ZNF267: variants seen among roughly 807,000 people sequenced by gnomAD.
ZNF267 encodes the protein zinc finger (C2H2).
ZNF267 carries 61 observed loss-of-function variants against 71.6 expected under a neutral mutation model. The ratio of observed to expected loss-of-function variants is 0.85; its 90% CI spans 0.69 to 1.05. The LOEUF is 1.05. Ranked by LOEUF, ZNF267 falls within the 50% of genes least tolerant of loss-of-function variation. ZNF267 has a pLI of 0.00. For missense variants in ZNF267, 852 were observed against 870.0 expected (o/e 0.98, Z 0.26); for synonymous variants, 288 against 293.2 (o/e 0.98, Z 0.18).
At chr16:31,890,123 C>G (rs2083950226) in intron 3 of ZNF267, 1 of 151,990 alleles carries the variant, frequency 6.6e-6, no homozygotes, top group African/African-American at 2.4e-5. Flanking sequence ...AAAATATTGT[C>G]TATTTAGTTT....
At chr16:31,898,846 A>T (rs1567476862) in intron 3 of ZNF267, among the ~76,000 whole-genome samples, 1 of 152,056 alleles carries the variant, frequency 6.6e-6, no homozygotes, top group African/African-American at 2.4e-5. Flanking sequence ...ATGGTGGAAG[A>T]TCTGCCAAGC....
intron 1 of ZNF267, among the ~76,000 whole-genome samples, chr16:31,879,925 C>A (rs1279684656): frequency 6.6e-6 from 1 of 152,218 alleles, no homozygotes; most frequent in Non-Finnish European, 1.5e-5. Flanking sequence ...TTCCCTGCGC[C>A]ACCAGCACCT....
chr16:31,887,835 T>C (rs2083934466), intron 3 of ZNF267, among the ~76,000 whole-genome samples: 1 of 152,162 alleles, frequency 6.6e-6, no homozygotes, highest in Non-Finnish European at 1.5e-5. Context: ...TATTCTTCTT[T>C]TTCAAGATTG....
chr16:31,894,908 C>A, intron 3 of ZNF267: 1 of 376,722 alleles, frequency 2.7e-6, no homozygotes, highest in South Asian at 2.6e-5. Context: ...GTGATTTCCC[C>A]TGGGTTAGTG....
At chr16:31,908,892 C>T (rs1696263556) in intron 3 of ZNF267, among the ~76,000 whole-genome samples, 1 of 151,846 alleles carries the variant, frequency 6.6e-6, no homozygotes, top group Admixed American at 6.6e-5. Flanking sequence ...GATAGCTTTG[C>T]TATTCTGAGT....
chr16:31,901,194 C>T (rs533095200), intron 3 of ZNF267, among the ~76,000 whole-genome samples: 9 of 152,152 alleles, frequency 5.9e-5, no homozygotes, highest in Admixed American at 3.3e-4. Flanking sequence ...TTAATCCAGT[C>T]TATCATTGTT....
chr16:31,904,016 CTTT>C (rs2084065290), intron 3 of ZNF267, among the ~76,000 whole-genome samples: 1 of 152,180 alleles, frequency 6.6e-6, no homozygotes, highest in Non-Finnish European at 1.5e-5. Flanking sequence ...CAAAGAACGT[CTTT>C]ATTTATGTCT....
At chr16:31,897,745 G>T (rs1398959838) in intron 3 of ZNF267, among the ~76,000 whole-genome samples, 3 of 152,086 alleles carry the variant, frequency 2.0e-5, no homozygotes, top group Admixed American at 6.6e-5. Flanking sequence ...GTGTGTTTGA[G>T]ACTGTTTAAT....
intron 3 of ZNF267, among the ~76,000 whole-genome samples, chr16:31,891,495 A>C (rs760680807): frequency 1.3e-5 from 2 of 152,152 alleles, no homozygotes; most frequent in Admixed American, 6.5e-5. Flanking sequence ...TCCCCACCCA[A>C]ATCTCATCTT....
At chr16:31,911,794 T>C (rs1323483132) in intron 3 of ZNF267, 1 of 151,622 alleles carries the variant, frequency 6.6e-6, no homozygotes, top group Non-Finnish European at 1.5e-5. Flanking sequence ...TGATTTAATT[T>C]CTTGCTTTTT....
intron 3 of ZNF267, among the ~76,000 whole-genome samples, chr16:31,903,471 T>C (rs1200938879): frequency 6.6e-6 from 1 of 152,216 alleles, no homozygotes; most frequent in Non-Finnish European, 1.5e-5. Flanking sequence ...CAGAGCCTGT[T>C]ATTGGTCTGT....
At chr16:31,874,608 A>G (rs767625631) in intron 1 of ZNF267, among the ~76,000 whole-genome samples, 17 of 152,184 alleles carry the variant, frequency 1.1e-4, no homozygotes, top group African/African-American at 3.9e-4. Flanking sequence ...GTTTTCCCCT[A>G]AAGTTGTAAT....
Position 31,905,612 on chromosome 16 carries a change from C to T in ZNF267, c.227-8864C>T, listed in dbSNP as rs548815229. ...AGGCTTGTGCATTCGTCACGTAGTT[C>T]GTGTGCCTTGGTTTTCAGCTCCATC... On this transcript the variant is annotated intron_variant, in intron 3 of 3. Transcript: ENST00000300870. Among the ~76,000 whole-genome samples, 31 of 152,252 alleles carry T rather than the reference C, an allele frequency of 2.0e-4. No individual in the cohort carries two copies. In the East Asian group the frequency reaches 4.6e-3, roughly 23 times the overall value.
rs114275094 is a variant in ZNF267, at chr16:31,894,279, C to A, written c.226+9023C>A. On this transcript the variant is annotated intron_variant, in intron 3 of 3. Coordinates refer to ENST00000300870, the MANE Select transcript of ZNF267 (RefSeq NM_003414.6). ...AGCTCTGTCACATGACTGGAGAGGG[C>A]AGCCAGGTGCTCTTTCATTTGGCTG... Among the ~76,000 whole-genome samples the A allele has an allele frequency of 3.1e-3, 470 of 152,362 alleles. 4 individuals carry two copies. Among genetic ancestry groups the A allele is most frequent in the African/African-American group, 0.011 (455 of 41,588 alleles).
At chr16:31,880,112 C>A (rs1359985775) in intron 1 of ZNF267, among the ~76,000 whole-genome samples, 1 of 152,194 alleles carries the variant, frequency 6.6e-6, no homozygotes, top group East Asian at 1.9e-4. Context: ...CTGGGATCCA[C>A]AAGACAGGGC....
At chr16:31,893,703 C>T (rs959855173) in intron 3 of ZNF267, among the ~76,000 whole-genome samples, 1 of 152,344 alleles carries the variant, frequency 6.6e-6, no homozygotes, top group Admixed American at 6.5e-5. Context: ...TGCTCCTGAA[C>T]TGTGGCTGCA....
intron 3 of ZNF267, among the ~76,000 whole-genome samples, chr16:31,891,368 C>T (rs1416024433): frequency 6.6e-6 from 1 of 152,282 alleles, no homozygotes; most frequent in African/African-American, 2.4e-5. Flanking sequence ...GATTTGTACA[C>T]TAACGTTATG....
rs1403132362 is a variant in ZNF267 at position 31,915,473 on chromosome 16, C to G, written c.1224C>G (p.Tyr408Ter). Reference protein sequence around the residue: ...HQRIHTGEKPYKCKECGKAFR... With the variant: ...HQRIHTGEKP ...GAATTCACACTGGAGAGAAACCATA[C>G]AAATGTAAAGAATGTGGCAAAGCCT... Residue 408 changes from tyrosine to a stop codon, truncating the protein, a stop_gained, in exon 4 of 4, where the codon TAC becomes TAG. Transcript: ENST00000300870. LOFTEE classifies it high-confidence loss of function. The G allele has an allele frequency of 6.2e-7, 1 of 1,613,522 alleles. No individual in the cohort carries two copies. Among genetic ancestry groups the G allele is most frequent in the East Asian group, 2.2e-5 (1 of 44,836 alleles).
chr16:31,884,415 C>T, intron 1 of ZNF267, 83 bp from the exon 2 acceptor site: 1 of 1,578,874 alleles, frequency 6.3e-7, no homozygotes, highest in East Asian at 2.2e-5. Context: ...TATGTCAGAA[C>T]CAATAACTGT....
Sources: gnomAD v4.1 joint callset for allele counts (sites outside exome capture counted in the v4.1 genomes callset) on GRCh38, gnomAD v4.1.1 for gene constraint, MANE v1.5 for transcripts, NCBI Gene and HGNC (gene_info 2026-07-23, HGNC 2026-07-21) for gene names.